Variants in IL1RAPL2 observed in about 807,000 individuals in gnomAD.
The protein encoded by IL1RAPL2 is interleukin 1 receptor accessory protein like 2, also known as X-linked interleukin-1 receptor accessory protein-like 2.
IL1RAPL2 carries 3 observed loss-of-function variants against 44.1 expected under a neutral mutation model. The ratio of observed to expected loss-of-function variants is 0.07; its 90% confidence interval spans 0.03 to 0.18. The LOEUF (loss-of-function observed/expected upper bound fraction) is 0.18. Ranked by LOEUF, IL1RAPL2 falls within the 10% of genes least tolerant of loss-of-function variation. The probability of loss-of-function intolerance (pLI) is 1.00; values close to 1 mark genes in which losing one functional copy is unlikely to be tolerated. For missense variants in IL1RAPL2, 391 were observed against 496.4 expected (o/e 0.79, Z 2.02); for synonymous variants, 181 against 178.8 (o/e 1.01, Z -0.10).
intron 1 of IL1RAPL2, among the ~76,000 whole-genome samples, chrX:104,580,057 C>T (rs1476309459): frequency 9.0e-6 from 1 of 111,618 alleles, no homozygotes; most frequent in Non-Finnish European, 1.9e-5. Flanking sequence ...TTACATTCTA[C>T]AGCACTTAGA....
At chrX:105,751,761 A>G (rs1228749093) in intron 9 of IL1RAPL2, among the ~76,000 whole-genome samples, 1 of 112,055 alleles carries the variant, frequency 8.9e-6, no homozygotes, top group Non-Finnish European at 1.9e-5. Flanking sequence ...TGGAATACTA[A>G]AAAGTCAACA....
At chrX:104,646,647 G>T (rs991719941) in intron 1 of IL1RAPL2, among the ~76,000 whole-genome samples, 6 of 111,928 alleles carry the variant, frequency 5.4e-5, no homozygotes, top group Non-Finnish European at 1.9e-5. Context: ...TAGAAGCTCT[G>T]CTCTGTGACT....
At chrX:105,042,986 A>C (rs1244591275) in intron 2 of IL1RAPL2, among the ~76,000 whole-genome samples, 45 of 102,991 alleles carry the variant, frequency 4.4e-4, no homozygotes, top group South Asian at 9.6e-4. Flanking sequence ...GAACAAAAAA[A>C]CAAACACCGC....
chrX:104,714,523 T>TGCTGTG (rs1397628368), intron 2 of IL1RAPL2, among the ~76,000 whole-genome samples: 1 of 111,102 alleles, frequency 9.0e-6, no homozygotes, highest in Non-Finnish European at 1.9e-5. Flanking sequence ...TGGTGCCTTT[T>TGCTGTG]GCTGTGATTG....
In IL1RAPL2 at chrX:105,647,180, G is replaced by C. The variant is rs210548; in HGVS notation, c.773-70187G>C. Among the ~76,000 whole-genome samples the C allele has an allele frequency of 8.8e-3, 988 of 112,236 alleles. 8 individuals carry two copies. Among genetic ancestry groups the C allele is most frequent in the South Asian group, 0.07 (186 of 2,664 alleles). ...ATGAGTGCCTCGCTGGATCAGAAGCGTAGCGGACACCCTGCCAGATCCGGA... is the reference window on the plus strand; with the variant it reads ...ATGAGTGCCTCGCTGGATCAGAAGCCTAGCGGACACCCTGCCAGATCCGGA... On this transcript the variant is annotated intron_variant, in intron 6 of 10. Transcript: ENST00000372582.
chrX:104,572,871 C>T (rs757132018), intron 1 of IL1RAPL2, among the ~76,000 whole-genome samples: 19 of 112,238 alleles, frequency 1.7e-4, no homozygotes, highest in East Asian at 2.8e-4. Context: ...CAAAGTGCCG[C>T]GGTTACAGGT....
chrX:104,729,123 A>G (rs191306662), intron 2 of IL1RAPL2, among the ~76,000 whole-genome samples: 8 of 111,411 alleles, frequency 7.2e-5, no homozygotes, highest in East Asian at 2.8e-4. Flanking sequence ...ACTTCACTCA[A>G]TATGAAGCAG....
chrX:105,010,578 C>A (rs952732124), intron 2 of IL1RAPL2, among the ~76,000 whole-genome samples: 8 of 111,534 alleles, frequency 7.2e-5, no homozygotes, highest in African/African-American at 2.6e-4. Flanking sequence ...GATAGCAATG[C>A]TAAGCAAAAT....
chrX:105,231,042 A>G (rs1556195094), intron 3 of IL1RAPL2, among the ~76,000 whole-genome samples: 1 of 112,143 alleles, frequency 8.9e-6, no homozygotes, highest in African/African-American at 3.2e-5. Context: ...GAGGTATAAC[A>G]TAATAATTGA....
intron 2 of IL1RAPL2, among the ~76,000 whole-genome samples, chrX:104,767,452 A>ACAATCT (rs1318670296): frequency 1.8e-5 from 2 of 111,879 alleles, no homozygotes; most frequent in Non-Finnish European, 3.8e-5. Context: ...AAATGCTGAC[A>ACAATCT]CAATCTCATG....
intron 6 of IL1RAPL2, among the ~76,000 whole-genome samples, chrX:105,619,525 ATTCTGG>A (rs2037404847): frequency 1.8e-5 from 2 of 111,711 alleles, no homozygotes. Context: ...GGAGTGGCAT[ATTCTGG>A]TCTCCAACAG....
chrX:105,370,493 T>A (rs776447340), intron 5 of IL1RAPL2, among the ~76,000 whole-genome samples: 2 of 112,101 alleles, frequency 1.8e-5, no homozygotes, highest in South Asian at 7.4e-4. Context: ...TTTCTTTTCT[T>A]GTATTAATTT....
intron 2 of IL1RAPL2, among the ~76,000 whole-genome samples, chrX:105,148,076 G>A (rs1312837662): frequency 1.8e-5 from 2 of 111,124 alleles, no homozygotes; most frequent in Non-Finnish European, 3.8e-5. Flanking sequence ...CAAGCCCCAC[G>A]TCAGGAGGTA....
In IL1RAPL2 at chrX:105,018,045, A is replaced by T. The variant is rs1415910580; in HGVS notation, c.83-177430A>T. Among the ~76,000 whole-genome samples, 5 of 111,756 alleles carry T rather than the reference A, an allele frequency of 4.5e-5. No homozygotes were observed. In the East Asian group the frequency reaches 1.4e-3, roughly 32 times the overall value. On this transcript the variant is annotated intron_variant, in intron 2 of 10. Coordinates refer to ENST00000372582, the MANE Select transcript of IL1RAPL2 (RefSeq NM_017416.2). The stretch of plus-strand genomic sequence containing the variant: ...CCCACTACGTGTGCCTGGAATTCCC[A>T]CAATTAGACTCTTTCTTTGAGTTAA...
chrX:104,672,340 T>A (rs1930625524), intron 2 of IL1RAPL2, among the ~76,000 whole-genome samples: 1 of 110,429 alleles, frequency 9.1e-6, no homozygotes, highest in African/African-American at 3.3e-5. Flanking sequence ...AGTGAGAATA[T>A]GCGGTGTTTG....
At chrX:105,079,349 A>C (rs893429188) in intron 2 of IL1RAPL2, among the ~76,000 whole-genome samples, 3 of 109,384 alleles carry the variant, frequency 2.7e-5, no homozygotes, top group Admixed American at 9.7e-5. Flanking sequence ...AAATCATTCT[A>C]CTATAAAGAC....
chrX:105,106,710 C>T (rs2032747947), intron 2 of IL1RAPL2, among the ~76,000 whole-genome samples: 1 of 111,330 alleles, frequency 9.0e-6, no homozygotes, highest in Non-Finnish European at 1.9e-5. Flanking sequence ...ATATTATCCA[C>T]ACTAATACCT....
chrX:105,212,306 TTAG>T (rs781819716), intron 3 of IL1RAPL2, among the ~76,000 whole-genome samples: 29 of 111,822 alleles, frequency 2.6e-4, no homozygotes, highest in African/African-American at 8.8e-4. Flanking sequence ...TACTGAGGCT[TTAG>T]TAGGCAGTTT....
intron 2 of IL1RAPL2, among the ~76,000 whole-genome samples, chrX:105,006,291 A>G (rs1432725596): frequency 1.8e-5 from 2 of 110,348 alleles, no homozygotes; most frequent in African/African-American, 6.6e-5. Context: ...AATGGGATGT[A>G]TGAAATAAGG....
Sources: gnomAD v4.1 joint callset for allele counts (sites outside exome capture counted in the v4.1 genomes callset) on GRCh38, gnomAD v4.1.1 for gene constraint, MANE v1.5 for transcripts, NCBI Gene and HGNC (gene_info 2026-07-23, HGNC 2026-07-21) for gene names.